SRL: variants seen among roughly 807,000 people sequenced by gnomAD.
The protein encoded by SRL is sarcalumenin.
A neutral mutation model predicts 39.5 loss-of-function variants in SRL; 23 were observed. The ratio of observed to expected loss-of-function variants is 0.58; its 90% CI spans 0.42 to 0.82. The LOEUF (loss-of-function observed/expected upper bound fraction) is 0.82, where lower values mean the gene tolerates loss of function less well. SRL is among the 40% of genes least tolerant of loss of function. SRL has a pLI of 0.00. For missense variants in SRL, 592 were observed against 607.8 expected, an observed-to-expected ratio of 0.97 and a Z score of 0.27; for synonymous variants, 272 against 237.4, an observed-to-expected ratio of 1.15 and a Z score of -1.34.
chr16:4,216,030 T>C (rs2052455805), intron 1 of SRL, among the ~76,000 whole-genome samples: 1 of 150,920 alleles, frequency 6.6e-6, no homozygotes, highest in Non-Finnish European at 1.5e-5. Flanking sequence ...AGGGAGACCC[T>C]GTCTCAAAAA....
rs2052072623 is a variant in SRL, at chr16:4,192,091, C to T, written c.*62G>A. On this transcript the variant is annotated 3_prime_UTR_variant, in exon 6 of 6. Coordinates refer to ENST00000399609, the MANE Select transcript of SRL (RefSeq NM_001098814.2). This position sits in a 1 kb window ranked among gnomAD's most constrained non-coding sequence, Gnocchi z 4.0. Reference sequence around the variant, plus strand: ...GGCTCAAAGGGTTAATAAACCAGGACCTCTCAGACAGTTAGGACACAAGCT... The same window carrying T: ...GGCTCAAAGGGTTAATAAACCAGGATCTCTCAGACAGTTAGGACACAAGCT... 2.0e-6 allele frequency: 3 copies of T among 1,486,062 alleles called. No homozygotes were observed. The highest frequency in any genetic ancestry group is 2.7e-6 in the Non-Finnish European group (3 of 1,106,272). The allele number at this position is 1,486,062 out of a possible 1,614,324, so 92.1% of individuals were successfully genotyped here.
At chr16:4,238,432 G>A (rs1357569944) in intron 1 of SRL, among the ~76,000 whole-genome samples, 1 of 152,152 alleles carries the variant, frequency 6.6e-6, no homozygotes, top group African/African-American at 2.4e-5. Context: ...CCAGCTAGAT[G>A]CTACCGGCCT....
chr16:4,235,651 T>G (rs1025917193), intron 1 of SRL, among the ~76,000 whole-genome samples: 4 of 152,108 alleles, frequency 2.6e-5, no homozygotes, highest in African/African-American at 9.7e-5. Flanking sequence ...CAGTGAGCTA[T>G]GATTGCACCA....
intron 3 of SRL, 133 bp from the exon 4 acceptor site, chr16:4,198,048 GC>G (rs1343210825): frequency 1.5e-6 from 1 of 658,758 alleles, no homozygotes. Flanking sequence ...GACGTGTGTA[GC>G]CCCCAGTGGC....
At chr16:4,229,589 T>C (rs566133270) in intron 1 of SRL, among the ~76,000 whole-genome samples, 25 of 151,840 alleles carry the variant, frequency 1.6e-4, no homozygotes, top group African/African-American at 5.8e-4. Flanking sequence ...TGGAGACACA[T>C]GGACATAAAG....
chr16:4,239,007 C>T (rs2052743928), intron 1 of SRL, among the ~76,000 whole-genome samples: 1 of 152,166 alleles, frequency 6.6e-6, no homozygotes, highest in Non-Finnish European at 1.5e-5. Context: ...ATGTCCCCTA[C>T]AGGCTTGCCC....
intron 1 of SRL, among the ~76,000 whole-genome samples, chr16:4,231,891 C>T (rs148648857): frequency 2.6e-5 from 4 of 152,250 alleles, no homozygotes; most frequent in Non-Finnish European, 4.4e-5. Flanking sequence ...TTTAAGCATC[C>T]GATAGCCATT....
intron 3 of SRL, among the ~76,000 whole-genome samples, chr16:4,201,031 T>A (rs913659151): frequency 6.6e-6 from 1 of 152,152 alleles, no homozygotes; most frequent in Non-Finnish European, 1.5e-5. Context: ...ACAAGGACTC[T>A]CATCTACTGT....
At chr16:4,193,171 T>C (rs2052091630) in intron 5 of SRL, among the ~76,000 whole-genome samples, 1 of 152,188 alleles carries the variant, frequency 6.6e-6, no homozygotes. Context: ...TTGTTTTTCT[T>C]GTTGGTTTGT....
At chr16:4,205,717 C>T (rs1018419298) in intron 1 of SRL, among the ~76,000 whole-genome samples, 12 of 152,052 alleles carry the variant, frequency 7.9e-5, no homozygotes, top group Non-Finnish European at 1.3e-4. Context: ...CAGGGCTGAC[C>T]GGGCAGGACC....
intron 1 of SRL, among the ~76,000 whole-genome samples, chr16:4,218,956 C>G (rs375170495): frequency 6.6e-6 from 1 of 152,272 alleles, no homozygotes; most frequent in East Asian, 1.9e-4. Flanking sequence ...GATTTTTCAA[C>G]CTTCTTTCCC....
In SRL at chr16:4,220,278, A is replaced by AACACACACACACACACACACACACACAC; in HGVS notation, c.62-15672_62-15645dup. On this transcript the variant is annotated intron_variant, in intron 1 of 5. Transcript: ENST00000399609. ...CATAGCGAAAATCTGTCTCTACTAA[A>AACACACACACACACACACACACACACAC]ACACACACACACACACACACACACA... 2.1e-5 allele frequency among the ~76,000 whole-genome samples: 3 copies of AACACACACACACACACACACACACACAC among 140,802 alleles called. 1 individual carries two copies. In the South Asian group the frequency reaches 7.0e-4, roughly 33 times the overall value. 92.4% of individuals were successfully genotyped at this position (140,802 alleles called of 152,430 possible).
At chr16:4,217,051 A>C (rs1320131336) in intron 1 of SRL, among the ~76,000 whole-genome samples, 1 of 152,204 alleles carries the variant, frequency 6.6e-6, no homozygotes, top group Non-Finnish European at 1.5e-5. Context: ...GGCCCACCCC[A>C]TCCCCAATCC....
At chr16:4,224,878 G>A (rs1170694468) in intron 1 of SRL, among the ~76,000 whole-genome samples, 1 of 152,178 alleles carries the variant, frequency 6.6e-6, no homozygotes, top group Non-Finnish European at 1.5e-5. Flanking sequence ...AACAGAACAT[G>A]GTCTATCCAC....
chr16:4,203,112 CAGG>C, intron 3 of SRL, 51 bp downstream of exon 3: 1 of 1,529,804 alleles, frequency 6.5e-7, no homozygotes, highest in Middle Eastern at 1.7e-4. Context: ...GCCCCGCCGA[CAGG>C]CCTGCGCCGT....
intron 1 of SRL, among the ~76,000 whole-genome samples, chr16:4,218,327 C>CAG (rs1266154363): frequency 6.6e-6 from 1 of 152,176 alleles, no homozygotes; most frequent in Non-Finnish European, 1.5e-5. Flanking sequence ...TTTCCGAAGG[C>CAG]AGAGGACCGG....
At chr16:4,210,432 C>T (rs1006729870) in intron 1 of SRL, among the ~76,000 whole-genome samples, 1 of 149,516 alleles carries the variant, frequency 6.7e-6, no homozygotes, top group African/African-American at 2.5e-5. Context: ...GTATCTTCAT[C>T]ATACTGAATT....
chr16:4,218,797 G>T (rs963198153), intron 1 of SRL, among the ~76,000 whole-genome samples: 1 of 152,216 alleles, frequency 6.6e-6, no homozygotes, highest in Admixed American at 6.5e-5. Flanking sequence ...CACAGAAGCC[G>T]GCGGTTCCCA....
chr16:4,201,492 GTCTCAA>G, intron 3 of SRL, among the ~76,000 whole-genome samples: 2 of 142,530 alleles, frequency 1.4e-5, no homozygotes, highest in Admixed American at 6.9e-5. Flanking sequence ...GGCCAGGCTG[GTCTCAA>G]ACTCCTGGCC....
Sources: gnomAD v4.1 joint callset for allele counts (sites outside exome capture counted in the v4.1 genomes callset) on GRCh38, gnomAD v4.1.1 for gene constraint, Gnocchi (gnomAD v3.1) non-coding constraint, MANE v1.5 for transcripts, NCBI Gene and HGNC (gene_info 2026-07-23, HGNC 2026-07-21) for gene names.